Variants in ENPEP observed in about 807,000 individuals in gnomAD.
ENPEP encodes the protein glutamyl aminopeptidase, also known as AP-A.
Under a neutral mutation model 114.5 loss-of-function variants are expected in ENPEP, and 103 were observed. That is an observed-to-expected ratio of 0.90 (90% CI 0.77 to 1.06). The LOEUF (loss-of-function observed/expected upper bound fraction) is 1.06. Among genes scored for constraint, ENPEP ranks in the 50% least tolerant of loss-of-function variants. The pLI is 0.00. For synonymous variants in ENPEP, 420 were observed against 422.0 expected, an observed-to-expected ratio of 1.00 and a Z score of 0.06; for missense variants, 1,196 against 1,161.3, an observed-to-expected ratio of 1.03 and a Z score of -0.43.
chr4:110,476,342 A>G lies in ENPEP; in HGVS notation c.-73A>G, dbSNP rs1342300396. The stretch of plus-strand genomic sequence containing the variant: ...ATCAGGGGATTCCTTCCAATTTAAA[A>G]AGGAAGTCTGCTGACGTTAGTTAGT... On this transcript the variant is annotated 5_prime_UTR_variant, in exon 1 of 20. Coordinates refer to ENST00000265162, the MANE Select transcript of ENPEP (RefSeq NM_001977.4). 2.7e-6 allele frequency: 4 copies of G among 1,479,604 alleles called. No homozygotes were observed. The highest frequency in any genetic ancestry group is 2.3e-5 in the Admixed American group (1 of 43,020). 91.7% of individuals were successfully genotyped at this position (1,479,604 alleles called of 1,614,324 possible).
At chr4:110,516,118 T>C (rs1725758666) in intron 8 of ENPEP, among the ~76,000 whole-genome samples, 1 of 152,248 alleles carries the variant, frequency 6.6e-6, no homozygotes, top group Non-Finnish European at 1.5e-5. Context: ...TCATTCCTTA[T>C]ACTGAGTACA....
chr4:110,489,824 C>T (rs1724636881), intron 2 of ENPEP, among the ~76,000 whole-genome samples: 1 of 152,098 alleles, frequency 6.6e-6, no homozygotes, highest in Non-Finnish European at 1.5e-5. Flanking sequence ...AATTATGTCT[C>T]CCATCTTTCT....
chr4:110,530,124 C>G (rs962763599), intron 10 of ENPEP, among the ~76,000 whole-genome samples: 27 of 151,936 alleles, frequency 1.8e-4, no homozygotes, highest in Non-Finnish European at 3.1e-4. Flanking sequence ...AAGGAGGAAG[C>G]ACTGACAGTG....
intron 10 of ENPEP, among the ~76,000 whole-genome samples, chr4:110,525,714 G>A (rs891595773): frequency 1.3e-5 from 2 of 152,072 alleles, no homozygotes; most frequent in African/African-American, 2.4e-5. Flanking sequence ...TAGCAAATTA[G>A]GTTGGCCAAC....
At chr4:110,493,561 G>A (rs1170401357) in intron 3 of ENPEP, among the ~76,000 whole-genome samples, 5 of 152,050 alleles carry the variant, frequency 3.3e-5, no homozygotes, top group South Asian at 2.1e-4. Context: ...GGCAGCCAGA[G>A]TTTCCCCTCC....
Position 110,542,853 on chromosome 4 carries a change from ACT to A in ENPEP, c.1912_1913del (p.Ser638AspfsTer22). The A allele has an allele frequency of 6.2e-7, 1 of 1,613,200 alleles. No homozygotes were observed. The highest frequency in any genetic ancestry group is 8.5e-7 in the Non-Finnish European group (1 of 1,179,386). ...GTAAATTATGAAGTAGCAACTTGGG[ACT>A]CGATAGCTACAGCGCTCTCCTTGAA... On this transcript the variant is annotated frameshift_variant, in exon 12 of 20. Transcript: ENST00000265162. LOFTEE classifies it high-confidence loss of function.
chr4:110,530,725 G>A (rs916302699), intron 10 of ENPEP, among the ~76,000 whole-genome samples: 2 of 152,132 alleles, frequency 1.3e-5, no homozygotes, highest in African/African-American at 2.4e-5. Flanking sequence ...GATGATGGTG[G>A]TGGTAGACTT....
At chr4:110,558,575 G>A (rs969419453) in intron 18 of ENPEP, among the ~76,000 whole-genome samples, 1 of 152,084 alleles carries the variant, frequency 6.6e-6, no homozygotes, top group African/African-American at 2.4e-5. Context: ...GATTACAGGC[G>A]TGAGCCACCG....
Position 110,513,484 on chromosome 4 carries a change from A to G in ENPEP, c.1378A>G (p.Ile460Val), listed in dbSNP as rs781053783. The part of the protein sequence containing the change: ...EDDSLMSSHP[I>V]IVTVTTPDEI... ...TGATTCTTTGATGTCTTCGCATCCA[A>G]TTATTGTGACTGTGACAACCCCTGA... The change falls in exon 7 of 20, where the codon ATT (isoleucine) becomes GTT (valine). Residue 460 changes from isoleucine to valine, a missense_variant. Coordinates refer to ENST00000265162, the MANE Select transcript of ENPEP (RefSeq NM_001977.4). 1.9e-5 allele frequency: 31 copies of G among 1,613,540 alleles called. No individual in the cohort carries two copies. Among genetic ancestry groups the G allele is most frequent in the Non-Finnish European group, 2.5e-5 (29 of 1,179,628 alleles).
intron 3 of ENPEP, among the ~76,000 whole-genome samples, chr4:110,497,654 G>A (rs904279970): frequency 1.3e-5 from 2 of 152,216 alleles, no homozygotes; most frequent in Admixed American, 1.3e-4. Context: ...TTCATAGCAG[G>A]TGAGTTCCGA....
At position 110,489,454 on chromosome 4, in the gene ENPEP, C is replaced by T. The variant is rs371491493; in HGVS notation, c.786+772C>T. ...CGACAGCATTTGGAGAAATACCTAACGTAGATGACAGGTTGATGGGTGCAG... is the reference window on the plus strand; with the variant it reads ...CGACAGCATTTGGAGAAATACCTAATGTAGATGACAGGTTGATGGGTGCAG... On this transcript the variant is annotated intron_variant, in intron 2 of 19. Transcript: ENST00000265162. Among the ~76,000 whole-genome samples, 19 of 152,130 alleles carry T rather than the reference C, an allele frequency of 1.2e-4. No individual in the cohort carries two copies. The South Asian group carries it at 3.1e-3, about 25-fold the overall frequency.
At chr4:110,522,714 T>A (rs1726049029) in intron 10 of ENPEP, among the ~76,000 whole-genome samples, 2 of 152,232 alleles carry the variant, frequency 1.3e-5, no homozygotes, top group African/African-American at 2.4e-5. Context: ...AAGAAGCGAA[T>A]GAGGCAATGC....
chr4:110,522,067 C>T (rs769943446), intron 10 of ENPEP, among the ~76,000 whole-genome samples: 7 of 151,938 alleles, frequency 4.6e-5, no homozygotes, highest in Non-Finnish European at 7.4e-5. Flanking sequence ...TTAGTGAAGG[C>T]GGAGTTTCAC....
intron 6 of ENPEP, among the ~76,000 whole-genome samples, chr4:110,511,851 C>T (rs531000827): frequency 2.6e-4 from 39 of 152,048 alleles, no homozygotes; most frequent in African/African-American, 8.9e-4. Flanking sequence ...GCATCCTCCA[C>T]CTCCTGGGTT....
intron 4 of ENPEP, among the ~76,000 whole-genome samples, chr4:110,507,096 C>T (rs1381122206): frequency 4.6e-5 from 7 of 152,170 alleles, no homozygotes; most frequent in South Asian, 4.1e-4. Flanking sequence ...ATTTCAAAAT[C>T]GGCATTCATC....
At position 110,520,341 on chromosome 4, in the gene ENPEP, C is replaced by G; in HGVS notation, c.1702C>G (p.Pro568Ala). 6.2e-7 allele frequency: 1 copy of G among 1,613,954 alleles called. No individual in the cohort carries two copies. The highest frequency in any genetic ancestry group is 1.1e-5 in the South Asian group (1 of 91,070). The change falls in exon 10 of 20, where the codon CCT (proline) becomes GCT (alanine). Residue 568 changes from proline to alanine, a missense_variant. By Grantham distance (27) the Pro-to-Ala change is conservative. Coordinates refer to ENST00000265162, the MANE Select transcript of ENPEP (RefSeq NM_001977.4). Reference sequence around the variant, plus strand: ...CTTTTTGTTGGACCCAAGAGCTAACCCTTCTCAGCCCCCTTCAGATCTTGG... The same window carrying G: ...CTTTTTGTTGGACCCAAGAGCTAACGCTTCTCAGCCCCCTTCAGATCTTGG... ...KRFLLDPRAN[P>A]SQPPSDLGYT...
At chr4:110,506,932 T>C (rs1318754626) in intron 4 of ENPEP, among the ~76,000 whole-genome samples, 175 bp downstream of exon 4, 2 of 152,196 alleles carry the variant, frequency 1.3e-5, no homozygotes, top group African/African-American at 4.8e-5. Flanking sequence ...CCCAAAATGC[T>C]AGGATTACAG....
chr4:110,550,035 T>C (rs1406780524), intron 17 of ENPEP, 149 bp downstream of exon 17: 7 of 755,576 alleles, frequency 9.3e-6, no homozygotes, highest in African/African-American at 1.8e-5. Context: ...AATATCCATG[T>C]AAGACTGGCC....
At chr4:110,526,514 T>C (rs961009404) in intron 10 of ENPEP, among the ~76,000 whole-genome samples, 11 of 152,194 alleles carry the variant, frequency 7.2e-5, no homozygotes, top group African/African-American at 2.7e-4. Context: ...CCAGGCAGTC[T>C]GGTTCCAAGA....
Sources: gnomAD v4.1 joint callset for allele counts (sites outside exome capture counted in the v4.1 genomes callset) on GRCh38, gnomAD v4.1.1 for gene constraint, MANE v1.5 for transcripts, NCBI Gene and HGNC (gene_info 2026-07-23, HGNC 2026-07-21) for gene names.